The following KCNU1 variants were observed in gnomAD, a reference collection of about 807,000 sequenced individuals.
KCNU1 encodes potassium calcium-activated channel subfamily U member 1, also known as potassium channel subfamily U member 1.
Under a neutral mutation model 126.8 loss-of-function variants are expected in KCNU1, and 93 were observed. The ratio of observed to expected loss-of-function variants is 0.73; its 90% CI spans 0.62 to 0.87. The LOEUF (loss-of-function observed/expected upper bound fraction) is 0.87, where lower values mean the gene tolerates loss of function less well. KCNU1 is among the 40% of genes least tolerant of loss of function. The probability of loss-of-function intolerance (pLI) is 0.00; values close to 1 mark genes in which losing one functional copy is unlikely to be tolerated. For synonymous variants in KCNU1, 523 were observed against 494.2 expected (o/e 1.06, Z -0.77); for missense variants, 1,330 against 1,367.1 (o/e 0.97, Z 0.43).
At chr8:36,892,393 G>A (rs962901353) in intron 19 of KCNU1, among the ~76,000 whole-genome samples, 5 of 151,658 alleles carry the variant, frequency 3.3e-5, no homozygotes, top group African/African-American at 1.2e-4. Flanking sequence ...TTTAAAAATG[G>A]TTTCAGTTAG....
chr8:36,849,956 G>C (rs1335640303), intron 18 of KCNU1, among the ~76,000 whole-genome samples: 1 of 152,094 alleles, frequency 6.6e-6, no homozygotes, highest in African/African-American at 2.4e-5. Context: ...ATGCAGAAAG[G>C]TTCCAGTTTT....
At chr8:36,903,928 C>A (rs146104300) in intron 19 of KCNU1, among the ~76,000 whole-genome samples, 2 of 152,212 alleles carry the variant, frequency 1.3e-5, no homozygotes, top group Non-Finnish European at 2.9e-5. Context: ...ACCAGACCAG[C>A]ACGAGGGTAA....
chr8:36,825,789 A>G (rs937261474), intron 10 of KCNU1, among the ~76,000 whole-genome samples: 7 of 149,322 alleles, frequency 4.7e-5, no homozygotes, highest in Non-Finnish European at 7.4e-5. Flanking sequence ...TTTTTTTTTC[A>G]TTGAAGGACA....
chr8:36,831,258 C>A (rs1374293743), intron 10 of KCNU1, among the ~76,000 whole-genome samples: 9 of 152,008 alleles, frequency 5.9e-5, no homozygotes, highest in Non-Finnish European at 5.9e-5. Flanking sequence ...ATTTATAGTC[C>A]TTTGGGTATA....
intron 19 of KCNU1, among the ~76,000 whole-genome samples, chr8:36,903,674 T>A (rs933135792): frequency 6.6e-6 from 1 of 152,158 alleles, no homozygotes; most frequent in Non-Finnish European, 1.5e-5. Context: ...CAGGCCAAAG[T>A]GCACTGTGAC....
chr8:36,823,333 A>G (rs1804197659), intron 10 of KCNU1, among the ~76,000 whole-genome samples: 1 of 152,082 alleles, frequency 6.6e-6, no homozygotes, highest in Non-Finnish European at 1.5e-5. Context: ...CAGACTTAAT[A>G]TTTCTTCAAA....
At position 36,808,778 on chromosome 8, in the gene KCNU1, G is replaced by A. The variant is rs752861148; in HGVS notation, c.717G>A (p.Ala239=). The change falls in exon 7 of 27, where the codon GCG becomes GCA. Residue 239 remains alanine (A), a synonymous_variant. Transcript: ENST00000399881. The part of the protein sequence containing the change: ...SIILSTWFTA[A]GFIHLVENSG... ...TTCTCAGTACCTGGTTCACAGCTGC[G>A]GGATTCATTCACCTGGTAAGCATCT... 2.4e-5 allele frequency: 39 copies of A among 1,610,256 alleles called. No individual in the cohort carries two copies. In the Middle Eastern group the frequency reaches 6.6e-4, roughly 27 times the overall value.
intron 19 of KCNU1, among the ~76,000 whole-genome samples, chr8:36,889,650 T>C (rs1451345442): frequency 3.3e-5 from 5 of 152,064 alleles, no homozygotes; most frequent in Non-Finnish European, 7.4e-5. Context: ...ATTTAAAATG[T>C]GAATATATGC....
intron 10 of KCNU1, 62 bp downstream of exon 10, chr8:36,817,822 T>C (rs1257424871): frequency 5.1e-6 from 4 of 790,396 alleles, no homozygotes; most frequent in Non-Finnish European, 8.7e-6. Context: ...GTGAATATTT[T>C]TAATGCAAGA....
At position 36,836,959 on chromosome 8, in the gene KCNU1, T is replaced by G. The variant is rs777106631; in HGVS notation, c.1518+14T>G. ...CAAAACAAAAAGGTAACCTTGTAAA[T>G]TACTGTTGATTCTTGGCTCTGTTCC... On this transcript the variant is annotated intron_variant, in intron 14 of 26. Coordinates refer to ENST00000399881, the MANE Select transcript of KCNU1 (RefSeq NM_001031836.3). 1 of 1,613,070 alleles carries G rather than the reference T, an allele frequency of 6.2e-7. No homozygotes were observed. The highest frequency in any genetic ancestry group is 1.7e-5 in the Admixed American group (1 of 60,008).
intron 18 of KCNU1, among the ~76,000 whole-genome samples, chr8:36,849,231 A>G (rs963245217): frequency 1.2e-4 from 18 of 152,110 alleles, no homozygotes; most frequent in Admixed American, 1.0e-3. Flanking sequence ...AAAAAAAAGG[A>G]TCCTATAGTT....
chr8:36,816,437 T>C (rs1050292768), intron 9 of KCNU1, among the ~76,000 whole-genome samples: 2 of 152,172 alleles, frequency 1.3e-5, no homozygotes, highest in Non-Finnish European at 2.9e-5. Flanking sequence ...ATAATGGAGA[T>C]AGGCTCCCTG....
chr8:36,893,520 A>G (rs960141468), intron 19 of KCNU1, among the ~76,000 whole-genome samples: 1 of 152,012 alleles, frequency 6.6e-6, no homozygotes. Flanking sequence ...TATTCTGTGA[A>G]TAAGGATATT....
intron 19 of KCNU1, among the ~76,000 whole-genome samples, chr8:36,893,491 G>A (rs1563320226): frequency 1.3e-5 from 2 of 151,972 alleles, no homozygotes; most frequent in South Asian, 4.1e-4. Flanking sequence ...GGAGCTGCTA[G>A]AAAGCTCAAA....
intron 23 of KCNU1, among the ~76,000 whole-genome samples, chr8:36,920,584 G>A (rs1188430956): frequency 1.3e-5 from 2 of 152,186 alleles, no homozygotes; most frequent in Non-Finnish European, 2.9e-5. Flanking sequence ...TCATGTTGAT[G>A]TGGGAGTTGC....
At chr8:36,883,384 T>C (rs1806565392) in intron 19 of KCNU1, among the ~76,000 whole-genome samples, 1 of 152,214 alleles carries the variant, frequency 6.6e-6, no homozygotes, top group Non-Finnish European at 1.5e-5. Context: ...GACATAATCA[T>C]CTAAGCTTTG....
chr8:36,862,398 G>T (rs1476995325), intron 18 of KCNU1, among the ~76,000 whole-genome samples: 2 of 151,996 alleles, frequency 1.3e-5, no homozygotes, highest in Non-Finnish European at 2.9e-5. Flanking sequence ...TTGCAACCTG[G>T]TAAATAAACA....
At chr8:36,797,980 G>A (rs1226199805) in intron 2 of KCNU1, among the ~76,000 whole-genome samples, 1 of 152,188 alleles carries the variant, frequency 6.6e-6, no homozygotes, top group Non-Finnish European at 1.5e-5. Context: ...AGTACAAGAC[G>A]AGGCATGAAG....
At chr8:36,807,878 C>G (rs746307625) in intron 6 of KCNU1, among the ~76,000 whole-genome samples, 4 of 152,086 alleles carry the variant, frequency 2.6e-5, no homozygotes, top group Non-Finnish European at 4.4e-5. Flanking sequence ...CATACATTAC[C>G]CAGCAGCAGC....
Sources: gnomAD v4.1 joint callset for allele counts (sites outside exome capture counted in the v4.1 genomes callset) on GRCh38, gnomAD v4.1.1 for gene constraint, MANE v1.5 for transcripts, NCBI Gene and HGNC (gene_info 2026-07-23, HGNC 2026-07-21) for gene names.